UBOX5: variants seen among roughly 807,000 people sequenced by gnomAD.
The protein encoded by UBOX5 is U-box domain containing 5.
Under a neutral mutation model 39.0 loss-of-function variants are expected in UBOX5, and 28 were observed. That is an observed-to-expected ratio of 0.72 (90% CI 0.53 to 0.98). UBOX5 has a LOEUF of 0.98. Among genes scored for constraint, UBOX5 ranks in the 50% least tolerant of loss-of-function variants. The pLI is 0.00. For missense variants in UBOX5, 585 were observed against 674.4 expected (o/e 0.87, Z 1.47); for synonymous variants, 283 against 275.5 (o/e 1.03, Z -0.27).
At chr20:3,125,548 A>G (rs1468950305) in intron 1 of UBOX5, among the ~76,000 whole-genome samples, 1 of 113,460 alleles carries the variant, frequency 8.8e-6, no homozygotes, top group Non-Finnish European at 1.7e-5. Context: ...CTGGGAGGTG[A>G]GGAGCACCTC....
intron 1 of UBOX5, among the ~76,000 whole-genome samples, chr20:3,152,354 G>A (rs1329401664): frequency 1.3e-5 from 2 of 151,626 alleles, no homozygotes; most frequent in East Asian, 1.9e-4. Context: ...GGTGGTGGGC[G>A]CCTGCAATTG....
At chr20:3,150,039 T>G (rs904425250) in intron 1 of UBOX5, among the ~76,000 whole-genome samples, 1 of 151,990 alleles carries the variant, frequency 6.6e-6, no homozygotes, top group Admixed American at 6.6e-5. Flanking sequence ...AAAAAAGATT[T>G]AATTAGTTAT....
intron 1 of UBOX5, among the ~76,000 whole-genome samples, chr20:3,153,767 C>A (rs565258483): frequency 1.8e-4 from 28 of 152,284 alleles, no homozygotes; most frequent in Non-Finnish European, 3.5e-4. Context: ...ATCCCTTGTC[C>A]AAAATGCTTG....
chr20:3,147,966 C>T, intron 1 of UBOX5: 1 of 1,614,202 alleles, frequency 6.2e-7, no homozygotes, highest in South Asian at 1.1e-5. Context: ...TTGATGTGAT[C>T]CACGTGAGTG....
intron 4 of UBOX5, among the ~76,000 whole-genome samples, chr20:3,113,832 T>C (rs1201406792): frequency 6.6e-6 from 1 of 152,104 alleles, no homozygotes; most frequent in Non-Finnish European, 1.5e-5. Flanking sequence ...TCTGAATGTT[T>C]CCTTTAGAGA....
intron 1 of UBOX5, among the ~76,000 whole-genome samples, chr20:3,127,612 A>G (rs748583451): frequency 2.0e-4 from 31 of 152,206 alleles, no homozygotes; most frequent in Non-Finnish European, 3.4e-4. Context: ...CACCTCGGTC[A>G]GTCTGCATTT....
At chr20:3,144,318 C>T (rs565398538) in intron 1 of UBOX5, among the ~76,000 whole-genome samples, 9 of 152,198 alleles carry the variant, frequency 5.9e-5, no homozygotes, top group African/African-American at 1.9e-4. Flanking sequence ...AATGAAAATC[C>T]ATAAATAACC....
At position 3,151,325 on chromosome 20, in the gene UBOX5, A is replaced by G. The variant is rs756537919; in HGVS notation, c.-42+8441T>C. Among the ~76,000 whole-genome samples the G allele has an allele frequency of 3.2e-4, 49 of 152,234 alleles. 1 individual carries two copies. The highest frequency in any genetic ancestry group is 6.8e-4 in the Non-Finnish European group (46 of 68,044). On this transcript the variant is annotated intron_variant, in intron 1 of 4. Coordinates refer to ENST00000217173, the MANE Select transcript of UBOX5 (RefSeq NM_014948.4). ...TTTGTAAACAAGGTTTTTTCAGAACATAGCTAGGCCATTCATTATATATTG... is the reference window on the plus strand; with the variant it reads ...TTTGTAAACAAGGTTTTTTCAGAACGTAGCTAGGCCATTCATTATATATTG...
chr20:3,149,557 C>T lies in UBOX5; in HGVS notation c.-42+10209G>A, dbSNP rs2066603692. Among the ~76,000 whole-genome samples, 2 of 152,186 alleles carry T rather than the reference C, an allele frequency of 1.3e-5. No homozygotes were observed. Among genetic ancestry groups the T allele is most frequent in the Admixed American group, 1.3e-4 (2 of 15,274 alleles). The stretch of plus-strand genomic sequence containing the variant: ...TAAAGAAGAGACGGTGCTCCGCTAA[C>T]ATTTGATAGGAAGAAGGAAGGCAGA... On this transcript the variant is annotated intron_variant, in intron 1 of 4. Transcript: ENST00000217173. The surrounding 1 kb of genome is among the most constrained non-coding windows in gnomAD (Gnocchi z 4.1).
chr20:3,123,591 T>C (rs1374858184), intron 1 of UBOX5, among the ~76,000 whole-genome samples, 185 bp from the exon 2 acceptor site: 3 of 152,084 alleles, frequency 2.0e-5, no homozygotes, highest in Non-Finnish European at 4.4e-5. Flanking sequence ...CACTGAAAAA[T>C]TATAGAGAAG....
chr20:3,159,440 C>A (rs1285793903), intron 1 of UBOX5, among the ~76,000 whole-genome samples: 1 of 152,204 alleles, frequency 6.6e-6, no homozygotes, highest in Non-Finnish European at 1.5e-5. Context: ...TGATGAGAGG[C>A]GCGGCAGAAT....
At chr20:3,145,206 G>T (rs1454275045) in intron 1 of UBOX5, among the ~76,000 whole-genome samples, 1 of 151,710 alleles carries the variant, frequency 6.6e-6, no homozygotes, top group Non-Finnish European at 1.5e-5. Context: ...AGGTGGGAGT[G>T]CACTGACACA....
Position 3,122,389 on chromosome 20 carries a change from A to G in UBOX5, c.250T>C (p.Tyr84His). ...ACTCTGCTAGATGAGGCAGATGTGTACATTTCCAGGCCAGTGACGTTCTGA... is the reference window on the plus strand; with the variant it reads ...ACTCTGCTAGATGAGGCAGATGTGTGCATTTCCAGGCCAGTGACGTTCTGA... ...GGQNVTGLEM[Y>H]TSASSSRVSW... The change falls in exon 3 of 5, where the codon TAC becomes CAC. Residue 84 changes from tyrosine (Y) to histidine (H), a missense_variant. Transcript: ENST00000217173. 6.2e-7 allele frequency: 1 copy of G among 1,614,206 alleles called. No individual in the cohort carries two copies.
rs1444823070 is a variant in UBOX5 at position 3,108,527 on chromosome 20, T to C, written c.*1579A>G. 4 of 152,420 alleles carry C rather than the reference T, an allele frequency of 2.6e-5. No homozygotes were observed. The highest frequency in any genetic ancestry group is 4.4e-5 in the Non-Finnish European group (3 of 68,178). 9.4% of individuals were successfully genotyped at this position (152,420 alleles called of 1,614,324 possible). ...TCGCCAGCGAGGGCGGCACAGGCCA[T>C]CCATGCGGACCCTCAAATCTCATGT... On this transcript the variant is annotated 3_prime_UTR_variant, in exon 5 of 5. Transcript: ENST00000217173.
At chr20:3,146,577 A>G in intron 1 of UBOX5, 2 of 589,388 alleles carry the variant, frequency 3.4e-6, no homozygotes, top group Non-Finnish European at 5.9e-6. Context: ...ACATGTATAC[A>G]TTTGCAGTAA....
chr20:3,128,238 C>T lies in UBOX5; in HGVS notation c.-41-4832G>A, dbSNP rs112597826. 7.6e-3 allele frequency among the ~76,000 whole-genome samples: 1,159 copies of T among 152,356 alleles called. 11 individuals carry two copies. The highest frequency in any genetic ancestry group is 0.014 in the Non-Finnish European group (963 of 68,036). On this transcript the variant is annotated intron_variant, in intron 1 of 4. Transcript: ENST00000217173. ...TCATTTAGAGCAGCATTTCCCCCAG[C>T]TTCCCTGCCCAACTAGCATAGTAGC...
Position 3,121,554 on chromosome 20 carries a change from T to C in UBOX5, c.1085A>G (p.Gln362Arg), listed in dbSNP as rs200515115. 3 of 1,610,214 alleles carry C rather than the reference T, an allele frequency of 1.9e-6. No individual in the cohort carries two copies. In the African/African-American group the frequency reaches 4.0e-5, roughly 21 times the overall value. The change falls in exon 3 of 5, where the codon CAG (glutamine) becomes CGG (arginine). Residue 362 changes from glutamine (Q) to arginine (R), a missense_variant. By Grantham distance (43) the Gln-to-Arg change is conservative (BLOSUM62 1). Transcript: ENST00000217173. Reference sequence around the variant, plus strand: ...TTCAGCCTGCTCTATCTTCCTTTTCTGAGAGGGCAGAACAATGGAAGAAGG... The same window carrying C: ...TTCAGCCTGCTCTATCTTCCTTTTCCGAGAGGGCAGAACAATGGAAGAAGG... Reference protein sequence around the residue: ...VIPSSIVLPSQKRKIEQAEHV... With the variant: ...VIPSSIVLPSRKRKIEQAEHV...
chr20:3,150,076 T>G (rs900981542), intron 1 of UBOX5, among the ~76,000 whole-genome samples: 2 of 152,050 alleles, frequency 1.3e-5, no homozygotes, highest in African/African-American at 4.8e-5. Context: ...CCTGTTCTTA[T>G]AGCGCAAAAC....
chr20:3,136,935 G>A (rs184079705), intron 1 of UBOX5, among the ~76,000 whole-genome samples: 64 of 151,516 alleles, frequency 4.2e-4, no homozygotes, highest in South Asian at 2.1e-4. Context: ...GTTTACAGGC[G>A]TGAGCTACTG....
Sources: allele counts gnomAD v4.1 joint callset (sites outside exome capture counted in the v4.1 genomes callset), GRCh38; gene constraint gnomAD v4.1.1; non-coding constraint Gnocchi (gnomAD v3.1); transcripts MANE v1.5; gene names NCBI Gene and HGNC (gene_info 2026-07-23, HGNC 2026-07-21).